Variants in ZBTB20 observed in about 807,000 individuals in gnomAD.
ZBTB20 encodes the protein zinc finger and BTB domain-containing protein 20.
Under a neutral mutation model 56.9 loss-of-function variants are expected in ZBTB20, and 9 were observed. The ratio of observed to expected loss-of-function variants is 0.16; its 90% CI spans 0.10 to 0.28. The LOEUF (loss-of-function observed/expected upper bound fraction) is 0.28. Among genes scored for constraint, ZBTB20 ranks in the 10% least tolerant of loss-of-function variants. The pLI is 1.00. For synonymous variants in ZBTB20, 417 were observed against 420.7 expected, an observed-to-expected ratio of 0.99 and a Z score of 0.11; for missense variants, 655 against 1,003.0, an observed-to-expected ratio of 0.65 and a Z score of 4.69.
intron 5 of ZBTB20, among the ~76,000 whole-genome samples, chr3:114,760,637 T>A (rs2068369188): frequency 6.6e-6 from 1 of 152,124 alleles, no homozygotes; most frequent in Non-Finnish European, 1.5e-5. Context: ...AAACAAATGT[T>A]CCCCAAAACT....
intron 6 of ZBTB20, among the ~76,000 whole-genome samples, chr3:114,589,723 C>T (rs769316456): frequency 2.6e-5 from 4 of 152,064 alleles, no homozygotes; most frequent in Non-Finnish European, 5.9e-5. Context: ...TCTATTTTTC[C>T]CACCAACCTG....
At chr3:115,062,335 AT>A (rs2082041413) in intron 2 of ZBTB20, among the ~76,000 whole-genome samples, 1 of 152,208 alleles carries the variant, frequency 6.6e-6, no homozygotes, top group African/African-American at 2.4e-5. Flanking sequence ...ATAAGCTACA[AT>A]CAATTATAAA....
intron 7 of ZBTB20, among the ~76,000 whole-genome samples, chr3:114,391,620 C>T (rs942529803): frequency 5.3e-5 from 8 of 152,196 alleles, no homozygotes; most frequent in African/African-American, 1.4e-4. Flanking sequence ...TCTGAGTACC[C>T]TATAGTGGGC....
intron 11 of ZBTB20, among the ~76,000 whole-genome samples, chr3:114,346,689 T>G (rs982853606): frequency 1.3e-5 from 2 of 151,196 alleles, no homozygotes; most frequent in East Asian, 1.9e-4. Context: ...ACAGATTTTT[T>G]TTTTTTTTTT....
chr3:114,505,633 A>G (rs1371306070), intron 6 of ZBTB20, among the ~76,000 whole-genome samples: 1 of 152,102 alleles, frequency 6.6e-6, no homozygotes, highest in Non-Finnish European at 1.5e-5. Flanking sequence ...ATCGGTAGAG[A>G]TAATGTTTTA....
At chr3:114,570,656 T>A (rs993706259) in intron 6 of ZBTB20, among the ~76,000 whole-genome samples, 1 of 152,160 alleles carries the variant, frequency 6.6e-6, no homozygotes, top group Non-Finnish European at 1.5e-5. Flanking sequence ...ATTTTAAAAA[T>A]GAATAATCTT....
chr3:114,937,429 T>TC (rs1417241304), intron 3 of ZBTB20, among the ~76,000 whole-genome samples: 1 of 144,458 alleles, frequency 6.9e-6, no homozygotes, highest in Non-Finnish European at 1.5e-5. Flanking sequence ...CTTCTTCTTC[T>TC]TTTTTTTTTT....
At chr3:114,646,185 G>A (rs2059826263) in intron 6 of ZBTB20, among the ~76,000 whole-genome samples, 1 of 151,604 alleles carries the variant, frequency 6.6e-6, no homozygotes, top group Admixed American at 6.6e-5. Flanking sequence ...TGGGAGGAAA[G>A]TAGGGGTCTG....
At chr3:114,370,999 C>T (rs2082941441) in intron 10 of ZBTB20, among the ~76,000 whole-genome samples, 1 of 152,156 alleles carries the variant, frequency 6.6e-6, no homozygotes, top group South Asian at 2.1e-4. Flanking sequence ...TTCAGGTCAC[C>T]AATAGTGTGA....
rs2079324905 is a variant in ZBTB20 at position 114,333,170 on chromosome 3, A to G, written c.*5835T>C. 1.3e-5 allele frequency: 2 copies of G among 152,242 alleles called. No individual in the cohort carries two copies. The highest frequency in any genetic ancestry group is 4.8e-5 in the African/African-American group (2 of 41,464). The allele number at this position is 152,242 out of a possible 1,614,324, so 9.4% of individuals were successfully genotyped here. A position where few individuals can be genotyped will look rare whatever the true frequency, so the allele number is the denominator to read the frequency against. ...AGTGCTAGAAATGATGCTTTGGATT[A>G]GTAGTTTCCACATTCTGAATTTATA... On this transcript the variant is annotated 3_prime_UTR_variant, in exon 12 of 12. Coordinates refer to ENST00000675478, the MANE Select transcript of ZBTB20 (RefSeq NM_001348800.3).
chr3:115,117,412 T>G (rs1030122782), intron 1 of ZBTB20, among the ~76,000 whole-genome samples: 2 of 152,100 alleles, frequency 1.3e-5, no homozygotes, highest in African/African-American at 4.8e-5. Flanking sequence ...AGAACTCACC[T>G]TTTCCCAGAC....
intron 6 of ZBTB20, among the ~76,000 whole-genome samples, chr3:114,661,500 A>G (rs1326264582): frequency 6.6e-6 from 1 of 152,124 alleles, no homozygotes; most frequent in African/African-American, 2.4e-5. Flanking sequence ...ATTTTGCATA[A>G]TCTTCCTTCA....
chr3:114,569,269 C>A (rs1354577755), intron 6 of ZBTB20, among the ~76,000 whole-genome samples: 1 of 152,144 alleles, frequency 6.6e-6, no homozygotes, highest in African/African-American at 2.4e-5. Flanking sequence ...CTCCATTGCA[C>A]ATTTTTTAGC....
intron 7 of ZBTB20, among the ~76,000 whole-genome samples, chr3:114,483,911 A>G (rs987576423): frequency 6.6e-6 from 1 of 151,728 alleles, no homozygotes; most frequent in African/African-American, 2.4e-5. Context: ...CCTTTGAACT[A>G]AGGTTCAAAG....
At chr3:114,646,573 C>T (rs1007918885) in intron 6 of ZBTB20, among the ~76,000 whole-genome samples, 2 of 152,178 alleles carry the variant, frequency 1.3e-5, no homozygotes, top group Non-Finnish European at 2.9e-5. Context: ...TCTTCCAGCT[C>T]ATTGTATATT....
At chr3:114,534,858 A>G (rs755507937) in intron 6 of ZBTB20, among the ~76,000 whole-genome samples, 4 of 152,230 alleles carry the variant, frequency 2.6e-5, no homozygotes, top group African/African-American at 9.6e-5. Flanking sequence ...ACACAACCAC[A>G]TGGAAACTGA....
chr3:114,536,416 G>A (rs1212604380), intron 6 of ZBTB20, among the ~76,000 whole-genome samples: 1 of 152,062 alleles, frequency 6.6e-6, no homozygotes, highest in African/African-American at 2.4e-5. Flanking sequence ...AAATACCTAG[G>A]AATACAACTT....
At chr3:114,753,395 G>GTATATATGTATACAT (rs2067740787) in intron 5 of ZBTB20, among the ~76,000 whole-genome samples, 1 of 39,416 alleles carries the variant, frequency 2.5e-5, no homozygotes, top group African/African-American at 1.1e-4. Flanking sequence ...ATACATGTAT[G>GTATATATGTATACAT]TATATATATA....
chr3:114,434,832 C>A (rs1262496980), intron 7 of ZBTB20, among the ~76,000 whole-genome samples: 2 of 151,956 alleles, frequency 1.3e-5, no homozygotes, highest in Non-Finnish European at 2.9e-5. Context: ...GATTCAGGCG[C>A]ATGGAAAAAG....
Sources: allele counts gnomAD v4.1 joint callset (sites outside exome capture counted in the v4.1 genomes callset), GRCh38; gene constraint gnomAD v4.1.1; transcripts MANE v1.5; gene names NCBI Gene and HGNC (gene_info 2026-07-23, HGNC 2026-07-21).